EPHA3: variants seen among roughly 807,000 people sequenced by gnomAD.
The protein encoded by EPHA3 is ephrin type-A receptor 3.
A neutral mutation model predicts 107.1 loss-of-function variants in EPHA3; 42 were observed. The observed-to-expected ratio is 0.39, with a 90% CI of 0.31 to 0.51. The LOEUF is 0.51. Ranked by LOEUF, EPHA3 falls within the 20% of genes least tolerant of loss-of-function variation. The pLI is 0.78. For missense variants in EPHA3, 1,183 were observed against 1,211.2 expected, an observed-to-expected ratio of 0.98 and a Z score of 0.35; for synonymous variants, 461 against 424.8, an observed-to-expected ratio of 1.09 and a Z score of -1.05.
chr3:89,141,351 G>A (rs1195805109), intron 2 of EPHA3, among the ~76,000 whole-genome samples: 1 of 151,444 alleles, frequency 6.6e-6, no homozygotes, highest in East Asian at 1.9e-4. Context: ...GGTCTAACAA[G>A]ATATGGAAAG....
At chr3:89,138,751 T>C (rs1704367309) in intron 2 of EPHA3, among the ~76,000 whole-genome samples, 1 of 151,912 alleles carries the variant, frequency 6.6e-6, no homozygotes, top group South Asian at 2.1e-4. Context: ...GGATTTAGCA[T>C]CAAGTAGAAC....
chr3:89,458,672 G>A (rs149009666), intron 15 of EPHA3, among the ~76,000 whole-genome samples: 16 of 152,146 alleles, frequency 1.1e-4, no homozygotes, highest in Admixed American at 8.5e-4. Flanking sequence ...CTGCATCTTC[G>A]CTGGCATCTG....
rs1451994482 is a variant in EPHA3, at chr3:89,458,508, G to A, written c.2690+8138G>A. Among the ~76,000 whole-genome samples the A allele has an allele frequency of 4.6e-5, 7 of 151,966 alleles. No individual in the cohort carries two copies. The East Asian group carries it at 1.4e-3, about 29-fold the overall frequency. On this transcript the variant is annotated intron_variant, in intron 15 of 16. Coordinates refer to ENST00000336596, the MANE Select transcript of EPHA3 (RefSeq NM_005233.6). ...ATAGACTTCCAGTTAAATAATAGAA[G>A]GATTTATAATCCATTGGGTATATAC... is the stretch of plus-strand genomic sequence containing the variant.
intron 3 of EPHA3, among the ~76,000 whole-genome samples, chr3:89,325,687 A>T (rs1457970257): frequency 1.3e-5 from 2 of 152,088 alleles, no homozygotes; most frequent in Non-Finnish European, 2.9e-5. Context: ...CCTTTTACAT[A>T]TCATGTGAAT....
chr3:89,171,264 G>A (rs984723115), intron 2 of EPHA3, among the ~76,000 whole-genome samples: 3 of 151,968 alleles, frequency 2.0e-5, no homozygotes, highest in Non-Finnish European at 4.4e-5. Context: ...TTTTTCAAAT[G>A]CCTCTTGTCA....
intron 5 of EPHA3, among the ~76,000 whole-genome samples, chr3:89,385,862 G>A (rs1424802376): frequency 6.6e-6 from 1 of 152,142 alleles, no homozygotes; most frequent in African/African-American, 2.4e-5. Flanking sequence ...CTTGTTAAAT[G>A]GCTTTGACCA....
chr3:89,288,947 C>A (rs1451166957), intron 3 of EPHA3, among the ~76,000 whole-genome samples: 1 of 152,086 alleles, frequency 6.6e-6, no homozygotes, highest in Admixed American at 6.6e-5. Context: ...AACAAAATAT[C>A]ATTTATGTAT....
chr3:89,421,865 A>G (rs1042080700), intron 11 of EPHA3, among the ~76,000 whole-genome samples: 5 of 151,232 alleles, frequency 3.3e-5, no homozygotes, highest in African/African-American at 1.2e-4. Context: ...ATGCACTAAA[A>G]TGACTTTTAA....
intron 7 of EPHA3, chr3:89,400,147 G>A: frequency 5.8e-6 from 4 of 688,600 alleles, no homozygotes; most frequent in Non-Finnish European, 7.2e-6. Context: ...AATATAAAAT[G>A]AGTAGAAGTT....
intron 10 of EPHA3, 122 bp downstream of exon 10, chr3:89,413,388 T>C: frequency 7.8e-7 from 1 of 1,276,464 alleles, no homozygotes; most frequent in East Asian, 2.3e-5. Context: ...CAAAGGCAAG[T>C]AATAAATAAG....
At chr3:89,300,294 A>G (rs1209397202) in intron 3 of EPHA3, among the ~76,000 whole-genome samples, 5 of 152,044 alleles carry the variant, frequency 3.3e-5, no homozygotes, top group Admixed American at 6.6e-5. Flanking sequence ...GTCACTATAA[A>G]CTACTCTTAC....
chr3:89,319,752 G>T (rs1706998877), intron 3 of EPHA3, among the ~76,000 whole-genome samples: 1 of 151,786 alleles, frequency 6.6e-6, no homozygotes, highest in African/African-American at 2.4e-5. Flanking sequence ...TGTTAAAATA[G>T]CTCCTCTCTC....
chr3:89,277,053 T>C (rs1705824483), intron 3 of EPHA3, among the ~76,000 whole-genome samples: 1 of 152,104 alleles, frequency 6.6e-6, no homozygotes, highest in South Asian at 2.1e-4. Context: ...AAAAGCTAAA[T>C]GCATATGGAC....
At chr3:89,115,415 A>AT (rs1707228305) in intron 1 of EPHA3, among the ~76,000 whole-genome samples, 1 of 152,024 alleles carries the variant, frequency 6.6e-6, no homozygotes, top group South Asian at 2.1e-4. Context: ...TTAAAACAGG[A>AT]TTTTTCCTCT....
intron 5 of EPHA3, among the ~76,000 whole-genome samples, chr3:89,350,279 C>T (rs1336361806): frequency 1.3e-5 from 2 of 149,700 alleles, no homozygotes; most frequent in Non-Finnish European, 3.0e-5. Context: ...TTGGTCTTTT[C>T]ACATAGTCCC....
intron 3 of EPHA3, among the ~76,000 whole-genome samples, chr3:89,283,162 G>A (rs951902743): frequency 2.0e-5 from 3 of 152,058 alleles, no homozygotes; most frequent in Non-Finnish European, 4.4e-5. Flanking sequence ...TATGGGTAAT[G>A]GAAAGAATTT....
intron 3 of EPHA3, among the ~76,000 whole-genome samples, chr3:89,244,247 C>A (rs915418216): frequency 6.6e-6 from 1 of 151,736 alleles, no homozygotes; most frequent in African/African-American, 2.4e-5. Context: ...AGCTAGGTTA[C>A]CAGGAATATT....
chr3:89,313,293 A>G (rs1485902412), intron 3 of EPHA3, among the ~76,000 whole-genome samples: 1 of 151,916 alleles, frequency 6.6e-6, no homozygotes, highest in African/African-American at 2.4e-5. Flanking sequence ...TAATCTGACA[A>G]ATTCTGCTAT....
At chr3:89,170,687 CA>C (rs2107096079) in intron 2 of EPHA3, among the ~76,000 whole-genome samples, 1 of 152,168 alleles carries the variant, frequency 6.6e-6, no homozygotes, top group East Asian at 1.9e-4. Flanking sequence ...CCCTAAGTAT[CA>C]GTTATAAAAA....
Sources: gnomAD v4.1 joint callset for allele counts (sites outside exome capture counted in the v4.1 genomes callset) on GRCh38, gnomAD v4.1.1 for gene constraint, MANE v1.5 for transcripts, NCBI Gene and HGNC (gene_info 2026-07-23, HGNC 2026-07-21) for gene names.